GABRB2: variants seen among roughly 807,000 people sequenced by gnomAD.
GABRB2 encodes gamma-aminobutyric acid receptor subunit beta-2.
Under a neutral mutation model 54.7 loss-of-function variants are expected in GABRB2, and 16 were observed. That is an observed-to-expected ratio of 0.29 (90% CI 0.20 to 0.44). GABRB2 has a LOEUF of 0.44. GABRB2 is among the 20% of genes least tolerant of loss of function. The pLI, the probability that GABRB2 is intolerant of heterozygous loss-of-function variation, is 1.00. For synonymous variants in GABRB2, 244 were observed against 233.8 expected (o/e 1.04, Z -0.40); for missense variants, 355 against 644.0 (o/e 0.55, Z 4.86).
rs77963355 is a variant in GABRB2, at chr5:161,311,870, C to A, written c.1191+14498G>T. On this transcript the variant is annotated intron_variant, in intron 9 of 9. Coordinates refer to ENST00000393959, the MANE Select transcript of GABRB2 (RefSeq NM_001371727.1). ...CACGGGGCTAGATAATATCTTAGATCCCTTAAAGTTATAAAAGTCAATGAC... is the reference window on the plus strand; with the variant it reads ...CACGGGGCTAGATAATATCTTAGATACCTTAAAGTTATAAAAGTCAATGAC... Among the ~76,000 whole-genome samples, 188 of 152,216 alleles carry A rather than the reference C, an allele frequency of 1.2e-3. 1 individual carries two copies. Among genetic ancestry groups the A allele is most frequent in the African/African-American group, 4.2e-3 (175 of 41,536 alleles).
At chr5:161,422,202 C>A (rs963013949) in intron 4 of GABRB2, among the ~76,000 whole-genome samples, 3 of 151,894 alleles carry the variant, frequency 2.0e-5, no homozygotes, top group African/African-American at 7.3e-5. Flanking sequence ...AAACTGTATG[C>A]CAGGATGTTA....
intron 5 of GABRB2, among the ~76,000 whole-genome samples, chr5:161,338,851 G>A (rs867332861): frequency 6.6e-6 from 1 of 151,984 alleles, no homozygotes; most frequent in Non-Finnish European, 1.5e-5. Context: ...TACATTCTAG[G>A]TATTAAGTGA....
chr5:161,344,520 T>TA (rs949663848), intron 5 of GABRB2, among the ~76,000 whole-genome samples: 19 of 149,358 alleles, frequency 1.3e-4, no homozygotes, highest in South Asian at 1.1e-3. Flanking sequence ...TTTGTTTTTT[T>TA]AAAAAAAAAA....
chr5:161,452,129 T>A (rs1214043999), intron 4 of GABRB2, among the ~76,000 whole-genome samples: 1 of 152,196 alleles, frequency 6.6e-6, no homozygotes, highest in Non-Finnish European at 1.5e-5. Flanking sequence ...CAATTGGTAA[T>A]TCAAGTTGAC....
intron 4 of GABRB2, among the ~76,000 whole-genome samples, chr5:161,434,912 A>G (rs1265201881): frequency 6.6e-6 from 1 of 152,126 alleles, no homozygotes; most frequent in Non-Finnish European, 1.5e-5. Context: ...ACTAGTGAAA[A>G]GTTCTCTCCA....
chr5:161,314,965 G>C (rs1283711550), intron 9 of GABRB2, among the ~76,000 whole-genome samples: 2 of 152,122 alleles, frequency 1.3e-5, no homozygotes, highest in African/African-American at 2.4e-5. Context: ...GAAAACTATG[G>C]CACATTTTTC....
chr5:161,403,656 G>T (rs1398553553), intron 5 of GABRB2, among the ~76,000 whole-genome samples: 2 of 152,092 alleles, frequency 1.3e-5, no homozygotes, highest in Non-Finnish European at 2.9e-5. Flanking sequence ...AAATTTTCAT[G>T]TTTAAAACCA....
intron 9 of GABRB2, among the ~76,000 whole-genome samples, chr5:161,318,970 G>A (rs1225850068): frequency 6.6e-6 from 1 of 151,738 alleles, no homozygotes; most frequent in Non-Finnish European, 1.5e-5. Context: ...AAAGCTGTGG[G>A]AACTTCCCAA....
intron 5 of GABRB2, among the ~76,000 whole-genome samples, chr5:161,359,393 A>T (rs1386438238): frequency 6.6e-6 from 1 of 151,968 alleles, no homozygotes; most frequent in Non-Finnish European, 1.5e-5. Context: ...TAGCATTTTT[A>T]GCTAAGTTTG....
chr5:161,490,495 C>G (rs531746479), intron 3 of GABRB2, among the ~76,000 whole-genome samples: 2 of 151,582 alleles, frequency 1.3e-5, no homozygotes, highest in Non-Finnish European at 3.0e-5. Flanking sequence ...CCAGATTGAA[C>G]CCTTATGAGG....
In GABRB2 at chr5:161,325,490, A is replaced by G. The variant is rs550696247; in HGVS notation, c.1191+878T>C. ...ACCCCAATGGCAACAACAATGATGTATTAAAGATTCTGGAGTCAAAGCCAC... is the reference window on the plus strand; with the variant it reads ...ACCCCAATGGCAACAACAATGATGTGTTAAAGATTCTGGAGTCAAAGCCAC... On this transcript the variant is annotated intron_variant, in intron 9 of 9. Transcript: ENST00000393959. Among the ~76,000 whole-genome samples, 90 of 152,260 alleles carry G rather than the reference A, an allele frequency of 5.9e-4. 1 individual carries two copies. The highest frequency in any genetic ancestry group is 4.4e-4 in the Non-Finnish European group (30 of 67,968).
chr5:161,485,950 G>A (rs556177184), intron 3 of GABRB2, among the ~76,000 whole-genome samples: 1 of 151,912 alleles, frequency 6.6e-6, no homozygotes, highest in African/African-American at 2.4e-5. Context: ...ACAGCCAAAA[G>A]ATGGAAAATG....
At chr5:161,452,295 A>C (rs1186123591) in intron 4 of GABRB2, among the ~76,000 whole-genome samples, 4 of 152,234 alleles carry the variant, frequency 2.6e-5, no homozygotes. Context: ...TATGTCATAC[A>C]TTAACAAAGT....
chr5:161,427,522 T>G (rs1323236233), intron 4 of GABRB2, among the ~76,000 whole-genome samples: 1 of 152,116 alleles, frequency 6.6e-6, no homozygotes, highest in Non-Finnish European at 1.5e-5. Flanking sequence ...TTCTGTACGT[T>G]CAAGTTCACC....
chr5:161,535,871 G>C (rs1760618388), intron 3 of GABRB2, among the ~76,000 whole-genome samples: 1 of 152,140 alleles, frequency 6.6e-6, no homozygotes, highest in Non-Finnish European at 1.5e-5. Context: ...CTTATGGGTA[G>C]ATTGATGCCT....
intron 3 of GABRB2, among the ~76,000 whole-genome samples, chr5:161,510,690 C>T (rs1759739836): frequency 6.6e-6 from 1 of 151,860 alleles, no homozygotes; most frequent in Admixed American, 6.6e-5. Context: ...GGCTGTAGTG[C>T]AATGGCATGA....
chr5:161,369,446 G>A (rs888327565), intron 5 of GABRB2, among the ~76,000 whole-genome samples: 8 of 151,838 alleles, frequency 5.3e-5, no homozygotes, highest in Admixed American at 2.0e-4. Flanking sequence ...TTATAAAGAC[G>A]AAATTTATAT....
At chr5:161,481,644 C>A (rs192536812) in intron 3 of GABRB2, among the ~76,000 whole-genome samples, 1 of 152,054 alleles carries the variant, frequency 6.6e-6, no homozygotes, top group African/African-American at 2.4e-5. Context: ...ACAGTTCATT[C>A]CATCAAAAAT....
At chr5:161,450,540 G>A (rs914544721) in intron 4 of GABRB2, among the ~76,000 whole-genome samples, 13 of 152,128 alleles carry the variant, frequency 8.5e-5, no homozygotes, top group Non-Finnish European at 1.6e-4. Context: ...TCATCAGTCA[G>A]GCAAGGATGA....
Sources: allele counts gnomAD v4.1 joint callset (sites outside exome capture counted in the v4.1 genomes callset), GRCh38; gene constraint gnomAD v4.1.1; transcripts MANE v1.5; gene names NCBI Gene and HGNC (gene_info 2026-07-23, HGNC 2026-07-21).